Variants in LANCL2 observed in about 807,000 individuals in gnomAD.
LANCL2 encodes lanC-like protein 2.
LANCL2 carries 33 observed loss-of-function variants against 56.9 expected under a neutral mutation model. The ratio of observed to expected loss-of-function variants is 0.58; its 90% CI spans 0.44 to 0.78. The LOEUF (loss-of-function observed/expected upper bound fraction) is 0.78, where lower values mean the gene tolerates loss of function less well. LANCL2 is among the 30% of genes least tolerant of loss of function. LANCL2 has a pLI of 0.00. For synonymous variants in LANCL2, 233 were observed against 228.2 expected (o/e 1.02, Z -0.19); for missense variants, 562 against 580.2 (o/e 0.97, Z 0.32).
At chr7:55,402,285 G>A (rs1448405632) in intron 5 of LANCL2, among the ~76,000 whole-genome samples, 81 of 77,160 alleles carry the variant, frequency 1.0e-3, no homozygotes, top group African/African-American at 4.3e-3. Flanking sequence ...GGGGCGGCTG[G>A]CCGGGCGGGG....
intron 1 of LANCL2, among the ~76,000 whole-genome samples, chr7:55,386,175 T>C (rs1790123572): frequency 6.6e-6 from 1 of 152,174 alleles, no homozygotes; most frequent in African/African-American, 2.4e-5. Flanking sequence ...GGTCCTGAGA[T>C]GATATACATC....
At chr7:55,367,333 C>T (rs1304447823) in intron 1 of LANCL2, among the ~76,000 whole-genome samples, 17 of 152,176 alleles carry the variant, frequency 1.1e-4, no homozygotes, top group Non-Finnish European at 2.1e-4. Context: ...TCATATTTGG[C>T]TAAAACTAAG....
chr7:55,421,857 C>A (rs898557796), intron 6 of LANCL2, among the ~76,000 whole-genome samples: 1 of 152,090 alleles, frequency 6.6e-6, no homozygotes, highest in African/African-American at 2.4e-5. Context: ...ATGTTGTAAA[C>A]CACTAATACA....
At chr7:55,383,124 G>A (rs754602715) in intron 1 of LANCL2, among the ~76,000 whole-genome samples, 7 of 152,154 alleles carry the variant, frequency 4.6e-5, no homozygotes, top group Non-Finnish European at 1.0e-4. Context: ...GGGACGTGGT[G>A]GTGATACAGC....
intron 1 of LANCL2, among the ~76,000 whole-genome samples, chr7:55,377,900 G>C (rs1035694837): frequency 3.3e-5 from 5 of 152,314 alleles, no homozygotes; most frequent in East Asian, 3.9e-4. Flanking sequence ...AGTGAAGGCT[G>C]TAAGTCCTGA....
At position 55,365,531 on chromosome 7, in the gene LANCL2, A is replaced by C. The variant is rs1276841323; in HGVS notation, c.-495A>C. On this transcript the variant is annotated 5_prime_UTR_variant, in exon 1 of 9. Coordinates refer to ENST00000254770, the MANE Select transcript of LANCL2 (RefSeq NM_018697.4). ...GCTCGCCCCGGTCGGCGACGCGCAC[A>C]CACCTTGAGTGACAGCGACCTCTTC... The C allele has an allele frequency of 5.2e-5, 8 of 152,508 alleles. No homozygotes were observed. The highest frequency in any genetic ancestry group is 1.7e-4 in the African/African-American group (7 of 41,462). The allele number at this position is 152,508 out of a possible 1,614,324, so 9.4% of individuals were successfully genotyped here.
In LANCL2 at chr7:55,401,202, A is replaced by T. The variant is rs1387897066; in HGVS notation, c.707A>T (p.Lys236Met). Reference sequence around the variant, plus strand: ...GTCAATGCTATTATTGAATCGGGTAAGACTTTGTCAAGGGAAGAAAGAAAA... The same window carrying T: ...GTCAATGCTATTATTGAATCGGGTATGACTTTGTCAAGGGAAGAAAGAAAA... ...EVVNAIIESG[K>M]TLSREERKTE... The change falls in exon 5 of 9, where the codon AAG becomes ATG. Residue 236 changes from lysine (K) to methionine (M), a missense_variant. Coordinates refer to ENST00000254770, the MANE Select transcript of LANCL2 (RefSeq NM_018697.4). 23 of 1,614,016 alleles carry T rather than the reference A, an allele frequency of 1.4e-5. No individual in the cohort carries two copies. The highest frequency in any genetic ancestry group is 1.9e-5 in the Non-Finnish European group (23 of 1,180,008).
intron 2 of LANCL2, among the ~76,000 whole-genome samples, chr7:55,393,914 A>G (rs1185661144): frequency 1.3e-5 from 2 of 152,236 alleles, no homozygotes; most frequent in African/African-American, 4.8e-5. Flanking sequence ...TTGGAAGGAA[A>G]ATAACATAGC....
In LANCL2 at chr7:55,431,434, C is replaced by T. The variant is rs1021844827; in HGVS notation, c.*114C>T. Reference sequence around the variant, plus strand: ...AAAGAGAAGCAGACACCGTCACAGGCCCCTCTGGTTAGACTAGCATGAGTG... The same window carrying T: ...AAAGAGAAGCAGACACCGTCACAGGTCCCTCTGGTTAGACTAGCATGAGTG... On this transcript the variant is annotated 3_prime_UTR_variant, in exon 9 of 9. Coordinates refer to ENST00000254770, the MANE Select transcript of LANCL2 (RefSeq NM_018697.4). 10 of 694,844 alleles carry T rather than the reference C, an allele frequency of 1.4e-5. No individual in the cohort carries two copies. Among genetic ancestry groups the T allele is most frequent in the Non-Finnish European group, 2.2e-5 (9 of 415,252 alleles). The allele number at this position is 694,844 out of a possible 1,614,324, so 43.0% of individuals were successfully genotyped here.
chr7:55,389,733 T>C (rs1790164310), intron 1 of LANCL2, among the ~76,000 whole-genome samples: 2 of 152,138 alleles, frequency 1.3e-5, no homozygotes, highest in Admixed American at 1.3e-4. Flanking sequence ...GCAAAGCCAG[T>C]ATTGTAGATA....
intron 1 of LANCL2, among the ~76,000 whole-genome samples, chr7:55,373,447 C>T (rs1277117907): frequency 6.6e-6 from 1 of 152,010 alleles, no homozygotes; most frequent in African/African-American, 2.4e-5. Context: ...TACTCCACCA[C>T]ACCCAGCTAA....
intron 5 of LANCL2, among the ~76,000 whole-genome samples, chr7:55,403,527 T>C (rs1215217506): frequency 1.3e-5 from 2 of 151,328 alleles, no homozygotes; most frequent in South Asian, 2.1e-4. Flanking sequence ...AGATTAGTTA[T>C]CTGTTCCCCA....
rs1278320704 is a variant in LANCL2 at position 55,425,274 on chromosome 7, C to G, written c.1029C>G (p.Tyr343Ter). 1.2e-6 allele frequency: 2 copies of G among 1,613,926 alleles called. No individual in the cohort carries two copies. The highest frequency in any genetic ancestry group is 2.7e-5 in the African/African-American group (2 of 74,910). Reference sequence around the variant, plus strand: ...CCCAGGTCTTTAAGGAGGAGAAGTACTTGAAAGAGGCCATGGAGTGTAGCG... The same window carrying G: ...CCCAGGTCTTTAAGGAGGAGAAGTAGTTGAAAGAGGCCATGGAGTGTAGCG... ...QAYKVFKEEK[Y>*]LKEAMECSDV... Residue 343 changes from tyrosine (Y) to a stop codon, truncating the protein, a stop_gained, in exon 7 of 9, where the codon TAC (tyrosine) becomes TAG (stop). Coordinates refer to ENST00000254770, the MANE Select transcript of LANCL2 (RefSeq NM_018697.4). LOFTEE classifies it high-confidence loss of function.
Position 55,365,712 on chromosome 7 carries a change from G to T in LANCL2, c.-314G>T. 1 of 253,668 alleles carries T rather than the reference G, an allele frequency of 3.9e-6. No homozygotes were observed. Among genetic ancestry groups the T allele is most frequent in the Non-Finnish European group, 7.5e-6 (1 of 133,184 alleles). 15.7% of individuals were successfully genotyped at this position (253,668 alleles called of 1,614,324 possible). A position where few individuals can be genotyped will look rare whatever the true frequency, so the allele number is the denominator to read the frequency against. ...GACGGGCTCTGCGGGCCACGGGGAA[G>T]GTGCGAGGAGGCGCGAGCAGGCTGT... On this transcript the variant is annotated 5_prime_UTR_variant, in exon 1 of 9. The change creates a new upstream start codon in the 5' untranslated region. Coordinates refer to ENST00000254770, the MANE Select transcript of LANCL2 (RefSeq NM_018697.4).
At chr7:55,416,980 T>TGTTG (rs1357834929) in intron 6 of LANCL2, among the ~76,000 whole-genome samples, 2 of 131,422 alleles carry the variant, frequency 1.5e-5, no homozygotes, top group Non-Finnish European at 3.2e-5. Flanking sequence ...TTTTTTTTTT[T>TGTTG]TTTTTTTTTT....
At chr7:55,424,867 G>C (rs1790646076) in intron 6 of LANCL2, among the ~76,000 whole-genome samples, 1 of 152,230 alleles carries the variant, frequency 6.6e-6, no homozygotes, top group Non-Finnish European at 1.5e-5. Flanking sequence ...ATTCTCGCAG[G>C]AGAGCGAACC....
intron 6 of LANCL2, among the ~76,000 whole-genome samples, chr7:55,424,611 C>T (rs967900365): frequency 1.3e-5 from 2 of 152,170 alleles, no homozygotes; most frequent in Non-Finnish European, 2.9e-5. Flanking sequence ...ATTTTAAAAA[C>T]TAAATTTTAG....
chr7:55,367,233 C>A (rs911380991), intron 1 of LANCL2, among the ~76,000 whole-genome samples: 2 of 152,236 alleles, frequency 1.3e-5, no homozygotes, highest in Admixed American at 1.3e-4. Context: ...TGTTTTCATG[C>A]TTGGTAAAAC....
chr7:55,390,160 A>G (rs1183244136), intron 1 of LANCL2, among the ~76,000 whole-genome samples: 2 of 152,226 alleles, frequency 1.3e-5, no homozygotes, highest in African/African-American at 4.8e-5. Flanking sequence ...TCGGTTTGTC[A>G]GGAAGACGTA....
Sources: gnomAD v4.1 joint callset for allele counts (sites outside exome capture counted in the v4.1 genomes callset) on GRCh38, gnomAD v4.1.1 for gene constraint, MANE v1.5 for transcripts, NCBI Gene and HGNC (gene_info 2026-07-23, HGNC 2026-07-21) for gene names.